Variants in KLF12 observed in about 807,000 individuals in gnomAD.
KLF12 encodes the protein KLF transcription factor 12.
KLF12 carries 9 observed loss-of-function variants against 37.8 expected under a neutral mutation model. That is an observed-to-expected ratio of 0.24 (90% CI 0.14 to 0.42). KLF12 has a LOEUF of 0.42. Among genes scored for constraint, KLF12 ranks in the 10% least tolerant of loss-of-function variants. KLF12 has a pLI of 1.00. For missense variants in KLF12, 411 were observed against 516.0 expected, an observed-to-expected ratio of 0.80 and a Z score of 1.97; for synonymous variants, 208 against 202.1, an observed-to-expected ratio of 1.03 and a Z score of -0.25.
At chr13:73,784,883 G>A (rs1438168113) in intron 5 of KLF12, among the ~76,000 whole-genome samples, 8 of 151,740 alleles carry the variant, frequency 5.3e-5, no homozygotes, top group African/African-American at 4.8e-5. Flanking sequence ...TGATCCACCC[G>A]CCTTGGCCTC....
chr13:74,295,520 T>C, the KLF12 span, among the ~76,000 whole-genome samples: 2 of 152,196 alleles, frequency 1.3e-5, no homozygotes, highest in Admixed American at 1.3e-4. Flanking sequence ...TCTTTCAAAA[T>C]ATACTTGCTG....
chr13:74,177,950 G>A, the KLF12 span, among the ~76,000 whole-genome samples: 1 of 152,294 alleles, frequency 6.6e-6, no homozygotes, highest in South Asian at 2.1e-4. Flanking sequence ...CTTGAGCATT[G>A]TGTTTGACTG....
chr13:73,949,660 C>T (rs1890571720), intron 2 of KLF12, among the ~76,000 whole-genome samples: 1 of 152,192 alleles, frequency 6.6e-6, no homozygotes, highest in Non-Finnish European at 1.5e-5. Context: ...GGACAGATGC[C>T]TCTCAGCATT....
chr13:73,971,519 T>C (rs1034585465), intron 2 of KLF12, among the ~76,000 whole-genome samples: 1 of 152,204 alleles, frequency 6.6e-6, no homozygotes, highest in Non-Finnish European at 1.5e-5. Flanking sequence ...CAGTATCTTT[T>C]TTAAGACAGG....
At chr13:73,885,510 C>T (rs1246441450) in intron 3 of KLF12, among the ~76,000 whole-genome samples, 1 of 152,198 alleles carries the variant, frequency 6.6e-6, no homozygotes, top group Non-Finnish European at 1.5e-5. Context: ...GCCCTCATCA[C>T]CACCCAGTCT....
intron 3 of KLF12, among the ~76,000 whole-genome samples, chr13:73,916,218 CACACACACA>C (rs1888824829): frequency 4.9e-5 from 7 of 143,358 alleles, no homozygotes; most frequent in Middle Eastern, 3.5e-3. Context: ...TACACACACA[CACACACACA>C]CACACACACA....
At chr13:73,957,522 T>C (rs1048950228) in intron 2 of KLF12, among the ~76,000 whole-genome samples, 2 of 152,164 alleles carry the variant, frequency 1.3e-5, no homozygotes, top group African/African-American at 2.4e-5. Flanking sequence ...CCAAAGTAAC[T>C]ACAATTACCC....
At chr13:73,919,885 A>G (rs746085782) in intron 3 of KLF12, among the ~76,000 whole-genome samples, 8 of 152,178 alleles carry the variant, frequency 5.3e-5, no homozygotes, top group Non-Finnish European at 1.0e-4. Flanking sequence ...GAAATATCGA[A>G]GCTTATTGCT....
chr13:74,252,949 G>A, the KLF12 span, among the ~76,000 whole-genome samples: 1 of 151,898 alleles, frequency 6.6e-6, no homozygotes, highest in South Asian at 2.1e-4. Flanking sequence ...AAAAGCCTTG[G>A]AATCCATCTA....
the KLF12 span, among the ~76,000 whole-genome samples, chr13:74,233,359 C>T: frequency 9.9e-5 from 15 of 152,134 alleles, no homozygotes; most frequent in Non-Finnish European, 2.2e-4. Context: ...CCCTGAAATG[C>T]ATACCTGTGG....
At chr13:74,073,179 T>C (rs1874376639) in intron 1 of KLF12, among the ~76,000 whole-genome samples, 1 of 152,204 alleles carries the variant, frequency 6.6e-6, no homozygotes, top group African/African-American at 2.4e-5. Context: ...TCTTTTTCTT[T>C]ACAGATTACC....
chr13:74,240,519 G>A, the KLF12 span, among the ~76,000 whole-genome samples: 1 of 33,488 alleles, frequency 3.0e-5, no homozygotes, highest in Non-Finnish European at 5.5e-5. Context: ...AGTTCTCCTG[G>A]ATAATATCCT....
the KLF12 span, among the ~76,000 whole-genome samples, chr13:74,204,311 A>G: frequency 6.6e-6 from 1 of 152,166 alleles, no homozygotes; most frequent in African/African-American, 2.4e-5. Flanking sequence ...ATTTGTATAA[A>G]TGTAAGGGTT....
intron 7 of KLF12, among the ~76,000 whole-genome samples, chr13:73,710,456 C>T (rs948766075): frequency 7.2e-6 from 1 of 139,382 alleles, no homozygotes; most frequent in African/African-American, 2.8e-5. Flanking sequence ...CTATGTCAGG[C>T]AAGTTTACTG....
the KLF12 span, among the ~76,000 whole-genome samples, chr13:74,237,214 C>T: frequency 1.6e-5 from 2 of 128,766 alleles, no homozygotes; most frequent in Non-Finnish European, 3.1e-5. Context: ...TTCCCCATTG[C>T]TTGTTTTTCT....
intron 1 of KLF12, among the ~76,000 whole-genome samples, chr13:74,044,695 A>G (rs918154137): frequency 6.6e-6 from 1 of 151,928 alleles, no homozygotes; most frequent in Admixed American, 6.6e-5. Flanking sequence ...AATACAAAAA[A>G]TTTGCCAGAT....
At chr13:74,014,036 G>A (rs537673700) in intron 1 of KLF12, among the ~76,000 whole-genome samples, 2 of 152,246 alleles carry the variant, frequency 1.3e-5, no homozygotes, top group African/African-American at 4.8e-5. Flanking sequence ...CTGAGGAAGA[G>A]TTTGAGAAAT....
the KLF12 span, among the ~76,000 whole-genome samples, chr13:74,214,496 A>T: frequency 6.6e-6 from 1 of 152,156 alleles, no homozygotes; most frequent in African/African-American, 2.4e-5. Context: ...TACTTGATTG[A>T]TAGTTTGACA....
chr13:74,199,598 C>A, the KLF12 span, among the ~76,000 whole-genome samples: 7 of 152,266 alleles, frequency 4.6e-5, no homozygotes, highest in African/African-American at 1.7e-4. Context: ...TGTACAGGAC[C>A]TGTAGAGGCT....
Sources: allele counts gnomAD v4.1 joint callset (sites outside exome capture counted in the v4.1 genomes callset), GRCh38; gene constraint gnomAD v4.1.1; transcripts MANE v1.5; gene names NCBI Gene and HGNC (gene_info 2026-07-23, HGNC 2026-07-21).